Variants in CA8 observed in about 807,000 individuals in gnomAD.
CA8 encodes carbonic anhydrase 8 (inactive).
Under a neutral mutation model 41.4 loss-of-function variants are expected in CA8, and 22 were observed. The observed-to-expected ratio is 0.53, with a 90% CI of 0.38 to 0.76. The LOEUF (loss-of-function observed/expected upper bound fraction) is 0.76, where lower values mean the gene tolerates loss of function less well. CA8 is among the 30% of genes least tolerant of loss of function. The pLI, the probability that CA8 is intolerant of heterozygous loss-of-function variation, is 0.00. For missense variants in CA8, 270 were observed against 352.8 expected, an observed-to-expected ratio of 0.77 and a Z score of 1.88; for synonymous variants, 121 against 130.6, an observed-to-expected ratio of 0.93 and a Z score of 0.50.
chr8:60,253,652 C>T (rs1808525208), intron 3 of CA8, among the ~76,000 whole-genome samples: 2 of 152,164 alleles, frequency 1.3e-5, no homozygotes, highest in Non-Finnish European at 2.9e-5. Flanking sequence ...AGGCCCTCCT[C>T]AACTTGACTC....
intron 3 of CA8, among the ~76,000 whole-genome samples, chr8:60,244,440 A>T (rs1808149761): frequency 1.3e-5 from 2 of 152,202 alleles, no homozygotes; most frequent in African/African-American, 4.8e-5. Context: ...ATCTTTTTAC[A>T]ATCTTGATAA....
intron 7 of CA8, among the ~76,000 whole-genome samples, chr8:60,219,190 G>A (rs1417202212): frequency 1.4e-5 from 2 of 146,916 alleles, no homozygotes; most frequent in African/African-American, 2.5e-5. Flanking sequence ...ACGGAGTCTC[G>A]CTCTGTTGCC....
chr8:60,255,012 T>G (rs1432035241), intron 3 of CA8, among the ~76,000 whole-genome samples: 3 of 152,150 alleles, frequency 2.0e-5, no homozygotes, highest in Non-Finnish European at 2.9e-5. Context: ...TAGCGTCCAG[T>G]GCCAGTGAGC....
intron 8 of CA8, among the ~76,000 whole-genome samples, chr8:60,200,228 C>T (rs557086878): frequency 5.3e-5 from 8 of 152,222 alleles, no homozygotes; most frequent in Non-Finnish European, 1.0e-4. Context: ...TGATCTTGGA[C>T]TTCCTAGCCT....
chr8:60,279,845 C>A lies in CA8; in HGVS notation c.136G>T (p.Gly46Trp). ...EWGLVFPDAN[G>W]EYQSPINLNS... is the part of the protein sequence containing the mutation. ...AGGTTAATAGGAGACTGGTATTCCC[C>A]ATTAGCATCAGGAAACACCAGACCC... Residue 46 changes from glycine to tryptophan, a missense_variant, in exon 2 of 9, where the codon GGG becomes TGG. Transcript: ENST00000317995. 6.2e-7 allele frequency: 1 copy of A among 1,613,582 alleles called. No homozygotes were observed. The highest frequency in any genetic ancestry group is 8.5e-7 in the Non-Finnish European group (1 of 1,179,814).
At chr8:60,223,431 T>C (rs949779070) in intron 6 of CA8, among the ~76,000 whole-genome samples, 1 of 152,198 alleles carries the variant, frequency 6.6e-6, no homozygotes, top group Non-Finnish European at 1.5e-5. Flanking sequence ...CAGCTGGGAC[T>C]ATGGGTGCAC....
In CA8 at chr8:60,187,164, C is replaced by T. The variant is rs58776615; in HGVS notation, c.*2857G>A. Among the ~76,000 whole-genome samples the T allele has an allele frequency of 9.6e-3, 1,462 of 152,044 alleles. 22 individuals are homozygous for T. The highest frequency in any genetic ancestry group is 0.034 in the African/African-American group (1,404 of 41,510). The stretch of plus-strand genomic sequence containing the variant: ...ATCACAACAGAAAAAAATTATAAAT[C>T]AATAACAAATTTGGGAATTCATAAA... On this transcript the variant is annotated 3_prime_UTR_variant, in exon 9 of 9. Coordinates refer to ENST00000317995, the MANE Select transcript of CA8 (RefSeq NM_004056.6).
chr8:60,223,101 G>A (rs1807306620), intron 6 of CA8, among the ~76,000 whole-genome samples: 1 of 152,138 alleles, frequency 6.6e-6, no homozygotes, highest in Non-Finnish European at 1.5e-5. Flanking sequence ...GAATGCTTAT[G>A]ACGTGCCAGC....
chr8:60,211,501 T>C (rs146899477), intron 7 of CA8, among the ~76,000 whole-genome samples: 4 of 152,286 alleles, frequency 2.6e-5, no homozygotes, highest in African/African-American at 9.6e-5. Flanking sequence ...TATGAAAGAA[T>C]CCATTTTTTA....
rs1808018242 is a variant in CA8, at chr8:60,241,246, T to C, written c.418-8867A>G. ...TGACAAAATACTGTAAAGCATGGAA[T>C]GGAACATAAATTATTCGAAATTCTA... On this transcript the variant is annotated intron_variant, in intron 3 of 8. Transcript: ENST00000317995. Among the ~76,000 whole-genome samples the C allele has an allele frequency of 1.3e-5, 2 of 152,350 alleles. 1 individual carries two copies. Among genetic ancestry groups the C allele is most frequent in the Non-Finnish European group, 2.9e-5 (2 of 68,038 alleles).
At chr8:60,241,119 T>G (rs1271002157) in intron 3 of CA8, among the ~76,000 whole-genome samples, 1 of 152,244 alleles carries the variant, frequency 6.6e-6, no homozygotes, top group Non-Finnish European at 1.5e-5. Flanking sequence ...AGATTTAGTG[T>G]GTATTATTCT....
chr8:60,200,273 A>G (rs1439544653), intron 8 of CA8, among the ~76,000 whole-genome samples: 1 of 152,218 alleles, frequency 6.6e-6, no homozygotes, highest in African/African-American at 2.4e-5. Context: ...TGTTGCTTAG[A>G]TGTTAGTTTA....
At position 60,281,366 on chromosome 8, in the gene CA8, G is replaced by A. The variant is rs1010026475; in HGVS notation, c.-219C>T. The A allele has an allele frequency of 5.3e-6, 3 of 568,626 alleles. No individual in the cohort carries two copies. The highest frequency in any genetic ancestry group is 9.4e-6 in the Non-Finnish European group (3 of 318,868). The allele number at this position is 568,626 out of a possible 1,614,324, so 35.2% of individuals were successfully genotyped here. ...GAGACCCGCGTGGGAAGCGCGTCCG[G>A]AGGCCCCAGCAGAGCGAGGGAGCGG... On this transcript the variant is annotated 5_prime_UTR_variant, in exon 1 of 9. Transcript: ENST00000317995.
At chr8:60,236,330 G>A (rs903123922) in intron 3 of CA8, among the ~76,000 whole-genome samples, 1 of 152,186 alleles carries the variant, frequency 6.6e-6, no homozygotes, top group East Asian at 1.9e-4. Flanking sequence ...TCCAGCTTTT[G>A]GCCTACCTTG....
At chr8:60,194,519 C>G (rs569504145) in intron 8 of CA8, among the ~76,000 whole-genome samples, 2 of 152,276 alleles carry the variant, frequency 1.3e-5, no homozygotes, top group East Asian at 3.9e-4. Context: ...TTTACTCACT[C>G]AATTGTGTCT....
In CA8 at chr8:60,277,037, T is replaced by C. The variant is rs1804259934; in HGVS notation, c.292+2652A>G. 4.6e-5 allele frequency among the ~76,000 whole-genome samples: 7 copies of C among 151,654 alleles called. No individual in the cohort carries two copies. In the South Asian group the frequency reaches 1.5e-3, roughly 32 times the overall value. On this transcript the variant is annotated intron_variant, in intron 2 of 8. Transcript: ENST00000317995. ...GGGGAGGCTGAGGCAAGAGAATCAC[T>C]TGAACCTGGGAGGTGGAGATTGCAG...
intron 7 of CA8, among the ~76,000 whole-genome samples, chr8:60,221,895 A>G (rs966318113): frequency 2.0e-5 from 3 of 152,234 alleles, no homozygotes; most frequent in Non-Finnish European, 4.4e-5. Context: ...AAAGCTATCA[A>G]AGAAAACTGG....
intron 2 of CA8, among the ~76,000 whole-genome samples, chr8:60,275,849 GAA>G (rs1454545212): frequency 6.6e-6 from 1 of 152,104 alleles, no homozygotes; most frequent in East Asian, 1.9e-4. Context: ...GGAAAAAAGA[GAA>G]GAGACACATA....
At chr8:60,191,981 T>A (rs1806144046) in intron 8 of CA8, among the ~76,000 whole-genome samples, 1 of 151,762 alleles carries the variant, frequency 6.6e-6, no homozygotes, top group Non-Finnish European at 1.5e-5. Context: ...CTAATTTACC[T>A]ACGTGTAGAA....
Sources: gnomAD v4.1 joint callset for allele counts (sites outside exome capture counted in the v4.1 genomes callset) on GRCh38, gnomAD v4.1.1 for gene constraint, MANE v1.5 for transcripts, NCBI Gene and HGNC (gene_info 2026-07-23, HGNC 2026-07-21) for gene names.